The following RXRA variants were observed in gnomAD, a reference collection of about 807,000 sequenced individuals.
RXRA encodes the protein retinoic acid receptor RXR-alpha.
In RXRA, 5 loss-of-function variants were observed where a neutral mutation model predicts 44.5. That is an observed-to-expected ratio of 0.11 (90% CI 0.06 to 0.24). RXRA has a LOEUF of 0.24. RXRA is among the 10% of genes least tolerant of loss of function. RXRA has a pLI of 1.00. For missense variants in RXRA, 412 were observed against 646.5 expected (o/e 0.64, Z 3.93); for synonymous variants, 291 against 271.4 (o/e 1.07, Z -0.71).
At chr9:134,336,781 C>G (rs781882933) in intron 1 of RXRA, among the ~76,000 whole-genome samples, 3 of 152,226 alleles carry the variant, frequency 2.0e-5, no homozygotes, top group Non-Finnish European at 2.9e-5. Context: ...CCCCTCCGCC[C>G]CTCAGGTTCA....
At position 134,349,693 on chromosome 9, in the gene RXRA, T is replaced by C. The variant is rs1554749233; in HGVS notation, c.28+23034T>C. ...CTTGTCTCATGAGGTTTGGGGACTT[T>C]AGTTCAAGCTGAATGCCTGTCTCCC... On this transcript the variant is annotated intron_variant, in intron 1 of 9. Coordinates refer to ENST00000481739, the MANE Select transcript of RXRA (RefSeq NM_002957.6). This position sits in a 1 kb window ranked among gnomAD's most constrained non-coding sequence, Gnocchi z 4.3. Among the ~76,000 whole-genome samples the C allele has an allele frequency of 1.3e-5, 2 of 152,114 alleles. No individual in the cohort carries two copies. Among genetic ancestry groups the C allele is most frequent in the African/African-American group, 4.8e-5 (2 of 41,398 alleles).
Position 134,431,898 on chromosome 9 carries a change from T to C in RXRA, c.1044-7T>C. Reference sequence around the variant, plus strand: ...TGGGATGGGGTGTCTGCCCTCCTCCTCTGCAGGGTGCTGACGGAGCTTGTG... The same window carrying C: ...TGGGATGGGGTGTCTGCCCTCCTCCCCTGCAGGGTGCTGACGGAGCTTGTG... On this transcript the variant is annotated splice_region_variant and splice_polypyrimidine_tract_variant and intron_variant, in intron 7 of 9. Transcript: ENST00000481739. 1 of 1,611,618 alleles carries C rather than the reference T, an allele frequency of 6.2e-7. No homozygotes were observed. Among genetic ancestry groups the C allele is most frequent in the South Asian group, 1.1e-5 (1 of 91,030 alleles).
chr9:134,351,016 C>T (rs1830215442), intron 1 of RXRA, among the ~76,000 whole-genome samples: 1 of 152,254 alleles, frequency 6.6e-6, no homozygotes, highest in South Asian at 2.1e-4. Context: ...AGTGTCCTTT[C>T]CTATAACATG....
Position 134,408,202 on chromosome 9 carries a change from G to C in RXRA, c.333G>C (p.Leu111=). The C allele has an allele frequency of 5.0e-6, 8 of 1,608,670 alleles. No homozygotes were observed. The highest frequency in any genetic ancestry group is 6.8e-6 in the Non-Finnish European group (8 of 1,177,440). ...VSSSEDIKPP[L]GLNGVLKVPA... is the part of the protein sequence containing the mutation. ...GCAGCGAGGACATCAAGCCCCCCCTGGGCCTCAATGGCGTCCTCAAGGTCC... is the reference window on the plus strand; with the variant it reads ...GCAGCGAGGACATCAAGCCCCCCCTCGGCCTCAATGGCGTCCTCAAGGTCC... Residue 111 remains leucine (L), a synonymous_variant, in exon 3 of 10, where the codon CTG becomes CTC. Transcript: ENST00000481739.
rs575469701 is a variant in RXRA at position 134,353,883 on chromosome 9, T to C, written c.28+27224T>C. ...TCCACGAGCCCTGCTGGCGGTGAGC[T>C]CGGACAGCCTGGCTGCATTTGGGGA... is the stretch of plus-strand genomic sequence containing the variant. On this transcript the variant is annotated intron_variant, in intron 1 of 9. Coordinates refer to ENST00000481739, the MANE Select transcript of RXRA (RefSeq NM_002957.6). Among the ~76,000 whole-genome samples, 5 of 152,278 alleles carry C rather than the reference T, an allele frequency of 3.3e-5. No homozygotes were observed. The South Asian group carries it at 1.0e-3, about 32-fold the overall frequency.
Position 134,407,466 on chromosome 9 carries a change from C to G in RXRA, c.280-683C>G, listed in dbSNP as rs562935474. Among the ~76,000 whole-genome samples, 1 of 152,200 alleles carries G rather than the reference C, an allele frequency of 6.6e-6. No homozygotes were observed. The highest frequency in any genetic ancestry group is 1.5e-5 in the Non-Finnish European group (1 of 68,032). On this transcript the variant is annotated intron_variant, in intron 2 of 9. Transcript: ENST00000481739. This position sits in a 1 kb window ranked among gnomAD's most constrained non-coding sequence, Gnocchi z 4.8. ...GAACCAAAACTGCTGTGTCACTGCA[C>G]GCTGCAGCTGTTGCCAGGGTGACCG... is the stretch of plus-strand genomic sequence containing the variant.
At chr9:134,401,452 C>T in intron 1 of RXRA, 180 bp from the exon 2 acceptor site, 5 of 926,998 alleles carry the variant, frequency 5.4e-6, no homozygotes, top group Non-Finnish European at 8.2e-6. Flanking sequence ...GAGCTCTGGG[C>T]ACACCTGGCC....
chr9:134,422,415 A>G (rs1261585548), intron 6 of RXRA: 9 of 978,452 alleles, frequency 9.2e-6, no homozygotes, highest in South Asian at 2.4e-5. Flanking sequence ...GTGACATTCC[A>G]CTCTCCCTGG....
chr9:134,353,685 C>G (rs77872113), intron 1 of RXRA, among the ~76,000 whole-genome samples: 5,833 of 152,250 alleles, frequency 0.038, 373 homozygotes, highest in African/African-American at 0.13. Flanking sequence ...CAGAGGTGCC[C>G]TTGGGGTGGG....
In RXRA at chr9:134,409,097, G is replaced by A. The variant is rs1485315951; in HGVS notation, c.588G>A (p.Leu196=). The A allele has an allele frequency of 1.3e-6, 2 of 1,594,054 alleles. No individual in the cohort carries two copies. Among genetic ancestry groups the A allele is most frequent in the Non-Finnish European group, 1.7e-6 (2 of 1,169,958 alleles). Reference sequence around the variant, plus strand: ...AGTACTGCCGCTACCAGAAGTGCCTGGCCATGGGCATGAAGCGGGAAGGTA... The same window carrying A: ...AGTACTGCCGCTACCAGAAGTGCCTAGCCATGGGCATGAAGCGGGAAGGTA... The part of the protein sequence containing the change: ...RCQYCRYQKC[L]AMGMKREAVQ... The change falls in exon 4 of 10, where the codon CTG becomes CTA. Residue 196 remains leucine, a synonymous_variant. Coordinates refer to ENST00000481739, the MANE Select transcript of RXRA (RefSeq NM_002957.6).
At chr9:134,360,627 G>A (rs533987765) in intron 1 of RXRA, among the ~76,000 whole-genome samples, 46 of 152,372 alleles carry the variant, frequency 3.0e-4, no homozygotes, top group African/African-American at 8.4e-4. Context: ...TGAAAGTGGC[G>A]CCCTTTGGCT....
intron 1 of RXRA, among the ~76,000 whole-genome samples, chr9:134,345,101 C>G (rs72619344): frequency 0.029 from 4,462 of 152,322 alleles, 90 homozygotes; most frequent in South Asian, 0.067. Flanking sequence ...CAGCTCTCTC[C>G]AGCTCAGCGA....
chr9:134,421,863 G>C (rs1831337360), intron 6 of RXRA, 58 bp downstream of exon 6: 3 of 1,597,934 alleles, frequency 1.9e-6, no homozygotes, highest in Non-Finnish European at 2.6e-6. Flanking sequence ...CACGTACCAG[G>C]ACACTCCCCC....
intron 1 of RXRA, among the ~76,000 whole-genome samples, chr9:134,337,848 A>G (rs1830030067): frequency 6.6e-6 from 1 of 152,082 alleles, no homozygotes; most frequent in Non-Finnish European, 1.5e-5. Context: ...GAGCAGACGT[A>G]GAATGCAAAA....
intron 5 of RXRA, among the ~76,000 whole-genome samples, chr9:134,421,471 C>T (rs1474039140): frequency 6.6e-6 from 1 of 152,200 alleles, no homozygotes; most frequent in Admixed American, 6.5e-5. Flanking sequence ...CAATATCAGG[C>T]CACACCTAAT....
At chr9:134,391,870 A>C (rs1406619220) in intron 1 of RXRA, among the ~76,000 whole-genome samples, 1 of 152,186 alleles carries the variant, frequency 6.6e-6, no homozygotes, top group African/African-American at 2.4e-5. Flanking sequence ...CGCCTCCTTG[A>C]GCCCTGGTTC....
chr9:134,358,687 C>T (rs922910341), intron 1 of RXRA, among the ~76,000 whole-genome samples: 5 of 151,956 alleles, frequency 3.3e-5, no homozygotes, highest in Non-Finnish European at 7.4e-5. Context: ...CCTCCCTGGT[C>T]GTCTGCAGGA....
At chr9:134,340,525 C>A (rs1554747997) in intron 1 of RXRA, among the ~76,000 whole-genome samples, 1 of 152,152 alleles carries the variant, frequency 6.6e-6, no homozygotes, top group Admixed American at 6.5e-5. Flanking sequence ...TCACGTGGCA[C>A]CGGCTCACTG....
intron 5 of RXRA, among the ~76,000 whole-genome samples, chr9:134,420,550 C>T (rs1314419106): frequency 2.0e-5 from 3 of 152,244 alleles, no homozygotes; most frequent in Non-Finnish European, 2.9e-5. Context: ...CTTCTCACTC[C>T]GCCCTCAGAG....
Sources: gnomAD v4.1 joint callset for allele counts (sites outside exome capture counted in the v4.1 genomes callset) on GRCh38, gnomAD v4.1.1 for gene constraint, Gnocchi (gnomAD v3.1) non-coding constraint, MANE v1.5 for transcripts, NCBI Gene and HGNC (gene_info 2026-07-23, HGNC 2026-07-21) for gene names.